CCBE1: variants seen among roughly 807,000 people sequenced by gnomAD.
CCBE1 encodes collagen and calcium-binding EGF domain-containing protein 1.
In CCBE1, 37 loss-of-function variants were observed where a neutral mutation model predicts 50.0. The observed-to-expected ratio is 0.74, with a 90% CI of 0.57 to 0.97. The LOEUF (loss-of-function observed/expected upper bound fraction) is 0.97, where lower values mean the gene tolerates loss of function less well. CCBE1 is among the 50% of genes least tolerant of loss of function. The pLI is 0.00. For synonymous variants in CCBE1, 234 were observed against 203.7 expected, an observed-to-expected ratio of 1.15 and a Z score of -1.27; for missense variants, 538 against 523.8, an observed-to-expected ratio of 1.03 and a Z score of -0.26.
intron 3 of CCBE1, among the ~76,000 whole-genome samples, chr18:59,471,693 A>C (rs633896): frequency 0.49 from 73,618 of 151,652 alleles, 18,630 homozygotes; most frequent in East Asian, 0.77. Flanking sequence ...AGACCACATT[A>C]TTCCTGTGTC....
intron 2 of CCBE1, among the ~76,000 whole-genome samples, chr18:59,481,175 T>C (rs1215895173): frequency 6.6e-6 from 1 of 151,960 alleles, no homozygotes; most frequent in Non-Finnish European, 1.5e-5. Flanking sequence ...AACTGACAAA[T>C]AGATCTGAAA....
intron 2 of CCBE1, among the ~76,000 whole-genome samples, chr18:59,635,940 A>T (rs2053910345): frequency 6.6e-6 from 1 of 152,154 alleles, no homozygotes; most frequent in African/African-American, 2.4e-5. Flanking sequence ...GGTGGGAATG[A>T]TAGCTTGAGC....
intron 2 of CCBE1, among the ~76,000 whole-genome samples, chr18:59,612,343 A>AC (rs1555698257): frequency 3.3e-5 from 5 of 151,336 alleles, no homozygotes; most frequent in Non-Finnish European, 7.4e-5. Flanking sequence ...AAAAAAAAAA[A>AC]CAAACAATCC....
At chr18:59,651,663 C>A (rs765485186) in intron 2 of CCBE1, among the ~76,000 whole-genome samples, 3 of 152,164 alleles carry the variant, frequency 2.0e-5, no homozygotes, top group Non-Finnish European at 4.4e-5. Context: ...TTTTTCTAGG[C>A]AAGACCGTCA....
Position 59,690,513 on chromosome 18 carries a change from C to CAA in CCBE1, c.212+6114_212+6115dup, listed in dbSNP as rs1360235480. 2.6e-5 allele frequency among the ~76,000 whole-genome samples: 4 copies of CAA among 152,312 alleles called. No individual in the cohort carries two copies. The East Asian group carries it at 7.7e-4, about 29-fold the overall frequency. On this transcript the variant is annotated intron_variant, in intron 2 of 10. Transcript: ENST00000439986. ...TTTGGGAAAGCTGCTGATTGAAATG[C>CAA]AAGCCTTCTCCTGAGAAGATAGAAT...
intron 2 of CCBE1, among the ~76,000 whole-genome samples, chr18:59,593,765 A>G (rs1405144897): frequency 6.6e-6 from 1 of 152,374 alleles, no homozygotes; most frequent in Non-Finnish European, 1.5e-5. Flanking sequence ...CTCATTGTCC[A>G]ACTTCTTTCA....
At chr18:59,518,818 G>A (rs924533875) in intron 2 of CCBE1, among the ~76,000 whole-genome samples, 2 of 152,152 alleles carry the variant, frequency 1.3e-5, no homozygotes, top group East Asian at 1.9e-4. Flanking sequence ...CTGCACACCC[G>A]CTGGCAGCCT....
chr18:59,487,437 G>A (rs1912875711), intron 2 of CCBE1, among the ~76,000 whole-genome samples: 1 of 151,764 alleles, frequency 6.6e-6, no homozygotes, highest in African/African-American at 2.4e-5. Context: ...ATGACTTTGT[G>A]TGAACTACTA....
intron 2 of CCBE1, among the ~76,000 whole-genome samples, chr18:59,696,131 A>C (rs1387879101): frequency 6.6e-6 from 1 of 152,056 alleles, no homozygotes; most frequent in Non-Finnish European, 1.5e-5. Context: ...CTGCCCCAAC[A>C]ATCTTTTTGT....
intron 2 of CCBE1, among the ~76,000 whole-genome samples, chr18:59,599,096 CTACTTT>C (rs2053395490): frequency 6.6e-6 from 1 of 152,128 alleles, no homozygotes; most frequent in Admixed American, 6.5e-5. Context: ...TCTTCTACTA[CTACTTT>C]TTTTCTAGTT....
intron 2 of CCBE1, among the ~76,000 whole-genome samples, chr18:59,506,302 C>T (rs904870894): frequency 6.6e-6 from 1 of 152,160 alleles, no homozygotes; most frequent in African/African-American, 2.4e-5. Flanking sequence ...CCAGTTTCTC[C>T]CTCTGGAGCC....
At chr18:59,534,572 G>A (rs1193663854) in intron 2 of CCBE1, among the ~76,000 whole-genome samples, 1 of 152,194 alleles carries the variant, frequency 6.6e-6, no homozygotes. Context: ...TCACAGTGTG[G>A]TCTCTAGCAT....
At position 59,432,843 on chromosome 18, in the gene CCBE1, C is replaced by G. The variant is rs1214070243; in HGVS notation, c.*3065G>C. ...TTTATGAGCATTTCACAATAAAGAT[C>G]ATATTTCTAAATACAGTTCACTGTC... On this transcript the variant is annotated 3_prime_UTR_variant, in exon 11 of 11. Coordinates refer to ENST00000439986, the MANE Select transcript of CCBE1 (RefSeq NM_133459.4). 6.6e-6 allele frequency: 1 copy of G among 152,080 alleles called. No homozygotes were observed. The highest frequency in any genetic ancestry group is 2.4e-5 in the African/African-American group (1 of 41,418). 9.4% of individuals were successfully genotyped at this position (152,080 alleles called of 1,614,324 possible).
At chr18:59,530,308 G>GAA (rs35335533) in intron 2 of CCBE1, among the ~76,000 whole-genome samples, 4 of 149,334 alleles carry the variant, frequency 2.7e-5, no homozygotes, top group South Asian at 4.2e-4. Context: ...GTTCTCAACT[G>GAA]AAAAAAAAAA....
At chr18:59,539,322 A>G (rs1915378747) in intron 2 of CCBE1, among the ~76,000 whole-genome samples, 1 of 152,192 alleles carries the variant, frequency 6.6e-6, no homozygotes, top group Non-Finnish European at 1.5e-5. Context: ...GAAGAGGCAC[A>G]TTTCAAGGAA....
chr18:59,475,723 TA>T (rs1366127267), intron 3 of CCBE1, among the ~76,000 whole-genome samples: 19 of 144,746 alleles, frequency 1.3e-4, no homozygotes, highest in Admixed American at 8.2e-4. Flanking sequence ...ATTTATTATT[TA>T]TTTATTTTTT....
At chr18:59,478,596 A>T (rs1330178951) in intron 3 of CCBE1, among the ~76,000 whole-genome samples, 2 of 152,186 alleles carry the variant, frequency 1.3e-5, no homozygotes, top group African/African-American at 4.8e-5. Flanking sequence ...TCTCTTTAGG[A>T]TGAGGGAGAC....
At chr18:59,500,172 A>G (rs1052075351) in intron 2 of CCBE1, among the ~76,000 whole-genome samples, 2 of 152,174 alleles carry the variant, frequency 1.3e-5, no homozygotes, top group African/African-American at 4.8e-5. Flanking sequence ...TGGCCAGAGC[A>G]TGGTTCTACT....
chr18:59,505,813 T>C (rs1555684947), intron 2 of CCBE1, among the ~76,000 whole-genome samples: 1 of 152,172 alleles, frequency 6.6e-6, no homozygotes, highest in Non-Finnish European at 1.5e-5. Flanking sequence ...CAGGTTTGTA[T>C]AGGGGGTAAG....
Sources: allele counts gnomAD v4.1 joint callset (sites outside exome capture counted in the v4.1 genomes callset), GRCh38; gene constraint gnomAD v4.1.1; transcripts MANE v1.5; gene names NCBI Gene and HGNC (gene_info 2026-07-23, HGNC 2026-07-21).